Variants in SCLT1 observed in about 807,000 individuals in gnomAD.
The protein encoded by SCLT1 is sodium channel and clathrin linker 1.
A neutral mutation model predicts 112.8 loss-of-function variants in SCLT1; 78 were observed. The observed-to-expected ratio is 0.69, with a 90% confidence interval of 0.58 to 0.83. SCLT1 has a LOEUF of 0.83. Ranked by LOEUF, SCLT1 falls within the 40% of genes least tolerant of loss-of-function variation. The probability of loss-of-function intolerance (pLI) is 0.00; values close to 1 mark genes in which losing one functional copy is unlikely to be tolerated. For synonymous variants in SCLT1, 257 were observed against 254.7 expected (o/e 1.01, Z -0.09); for missense variants, 747 against 770.4 (o/e 0.97, Z 0.36).
chr4:129,016,644 A>T (rs985314265), intron 5 of SCLT1, among the ~76,000 whole-genome samples: 1 of 152,168 alleles, frequency 6.6e-6, no homozygotes, highest in African/African-American at 2.4e-5. Flanking sequence ...TGGATGCTGA[A>T]TTTCAATTTT....
At chr4:128,911,017 A>T (rs972242474) in intron 18 of SCLT1, among the ~76,000 whole-genome samples, 3 of 152,132 alleles carry the variant, frequency 2.0e-5, no homozygotes, top group Admixed American at 1.3e-4. Context: ...TAATCCCAGC[A>T]CTTTGGAAGG....
intron 5 of SCLT1, 120 bp from the exon 6 acceptor site, chr4:129,003,996 A>G (rs1743771263): frequency 1.2e-6 from 1 of 845,292 alleles, no homozygotes; most frequent in Non-Finnish European, 1.9e-6. Flanking sequence ...ATTTTTAAGT[A>G]GACTTCAAAT....
intron 18 of SCLT1, among the ~76,000 whole-genome samples, chr4:128,893,272 C>T (rs1733469765): frequency 6.6e-6 from 1 of 152,146 alleles, no homozygotes; most frequent in South Asian, 2.1e-4. Flanking sequence ...ATCACAAAGA[C>T]ACAAATCATT....
intron 5 of SCLT1, among the ~76,000 whole-genome samples, chr4:129,020,392 A>C (rs1315429155): frequency 6.6e-6 from 1 of 152,236 alleles, no homozygotes; most frequent in Non-Finnish European, 1.5e-5. Flanking sequence ...TATTCTGTGC[A>C]CAGACAGAAG....
In SCLT1 at chr4:128,925,877, T is replaced by C. The variant is rs905848630; in HGVS notation, c.1829+10778A>G. On this transcript the variant is annotated intron_variant, in intron 18 of 20. Coordinates refer to ENST00000281142, the MANE Select transcript of SCLT1 (RefSeq NM_144643.4). ...TTGTGAGTTTTAAAATTCTCTAATA[T>C]TTTTCATCCACAGGTTTCCATTGGT... is the stretch of plus-strand genomic sequence containing the variant. Among the ~76,000 whole-genome samples the C allele has an allele frequency of 5.9e-5, 9 of 152,158 alleles. No individual in the cohort carries two copies. In the East Asian group the frequency reaches 7.7e-4, roughly 13 times the overall value.
intron 9 of SCLT1, among the ~76,000 whole-genome samples, chr4:128,979,206 A>G (rs1426761565): frequency 1.3e-5 from 2 of 152,174 alleles, no homozygotes; most frequent in Admixed American, 1.3e-4. Context: ...AACCTACCCA[A>G]GTCAATCACC....
chr4:128,893,074 A>C (rs1486771232), intron 18 of SCLT1, among the ~76,000 whole-genome samples: 1 of 152,240 alleles, frequency 6.6e-6, no homozygotes, highest in East Asian at 1.9e-4. Context: ...GATGAAAAAT[A>C]AATTGTGAGT....
chr4:129,004,201 G>C (rs1743788387), intron 5 of SCLT1, among the ~76,000 whole-genome samples: 2 of 151,966 alleles, frequency 1.3e-5, no homozygotes, highest in Admixed American at 1.3e-4. Flanking sequence ...GATAAAATAA[G>C]CCATTCAGAA....
At chr4:128,874,777 A>ATCTT (rs371243749) in intron 4 of SCLT1, 17 of 152,730 alleles carry the variant, frequency 1.1e-4, no homozygotes, top group African/African-American at 4.1e-4. Context: ...ACCAAGAAAT[A>ATCTT]TCTTTGATTA....
intron 2 of SCLT1, among the ~76,000 whole-genome samples, chr4:129,073,343 T>C (rs867080150): frequency 6.6e-6 from 1 of 152,190 alleles, no homozygotes; most frequent in Non-Finnish European, 1.5e-5. Flanking sequence ...AACTTTCAAT[T>C]GTTCAGAAGT....
chr4:128,970,259 T>C, intron 10 of SCLT1, 119 bp downstream of exon 10: 2 of 660,022 alleles, frequency 3.0e-6, no homozygotes, highest in South Asian at 1.7e-5. Context: ...ATTTTAAGGG[T>C]ATTAAAATAA....
chr4:128,984,812 T>C (rs1168713175), intron 9 of SCLT1, among the ~76,000 whole-genome samples: 1 of 152,118 alleles, frequency 6.6e-6, no homozygotes, highest in Non-Finnish European at 1.5e-5. Context: ...GATATTCTCA[T>C]TTGTTTATTT....
chr4:128,899,066 T>C (rs1734040819), intron 18 of SCLT1, among the ~76,000 whole-genome samples: 2 of 152,092 alleles, frequency 1.3e-5, no homozygotes, highest in Non-Finnish European at 2.9e-5. Flanking sequence ...CAGGACCAGA[T>C]GGATTCACAG....
At chr4:129,015,224 CAA>C (rs1744884816) in intron 5 of SCLT1, among the ~76,000 whole-genome samples, 1 of 152,060 alleles carries the variant, frequency 6.6e-6, no homozygotes, top group Non-Finnish European at 1.5e-5. Context: ...CATGTATCAG[CAA>C]AGAGATGTGG....
At chr4:128,919,642 T>C (rs1735728396) in intron 18 of SCLT1, among the ~76,000 whole-genome samples, 2 of 151,886 alleles carry the variant, frequency 1.3e-5, no homozygotes, top group Non-Finnish European at 2.9e-5. Flanking sequence ...AAGAATAAGA[T>C]TGATAGACCA....
chr4:129,043,548 T>A, intron 3 of SCLT1, 81 bp from the exon 4 acceptor site: 1 of 646,370 alleles, frequency 1.5e-6, no homozygotes, highest in African/African-American at 1.9e-5. Context: ...AAATTACACA[T>A]AAAAATTTTA....
chr4:128,888,305 T>C (rs1733046676), intron 20 of SCLT1, among the ~76,000 whole-genome samples: 1 of 151,842 alleles, frequency 6.6e-6, no homozygotes, highest in Non-Finnish European at 1.5e-5. Context: ...CAGCTTCGAC[T>C]TCTTGGGCCC....
intron 18 of SCLT1, among the ~76,000 whole-genome samples, chr4:128,928,827 C>T (rs9995684): frequency 0.71 from 106,995 of 151,010 alleles, 37,934 homozygotes; most frequent in African/African-American, 0.76. Context: ...AGCGAAACTC[C>T]GTCTCGCAAA....
At chr4:129,048,884 C>A (rs1439404722) in intron 2 of SCLT1, among the ~76,000 whole-genome samples, 4 of 152,074 alleles carry the variant, frequency 2.6e-5, no homozygotes, top group Non-Finnish European at 5.9e-5. Flanking sequence ...AAAAAATGCT[C>A]ATCATCACTG....
Sources: gnomAD v4.1 joint callset for allele counts (sites outside exome capture counted in the v4.1 genomes callset) on GRCh38, gnomAD v4.1.1 for gene constraint, MANE v1.5 for transcripts, NCBI Gene and HGNC (gene_info 2026-07-23, HGNC 2026-07-21) for gene names.